The following ANO2 variants were observed in gnomAD, a reference collection of about 807,000 sequenced individuals.
ANO2 encodes the protein anoctamin-2.
ANO2 carries 101 observed loss-of-function variants against 124.2 expected under a neutral mutation model. That is an observed-to-expected ratio of 0.81 (90% CI 0.69 to 0.96). The LOEUF (loss-of-function observed/expected upper bound fraction) is 0.96. Among genes scored for constraint, ANO2 ranks in the 40% least tolerant of loss-of-function variants. The pLI is 0.00. For missense variants in ANO2, 1,293 were observed against 1,274.5 expected (o/e 1.01, Z -0.22); for synonymous variants, 486 against 482.5 (o/e 1.01, Z -0.09).
chr12:5,770,371 A>G (rs539849823), intron 10 of ANO2, among the ~76,000 whole-genome samples: 1 of 152,292 alleles, frequency 6.6e-6, no homozygotes, highest in Non-Finnish European at 1.5e-5. Flanking sequence ...CAAGGGTCCC[A>G]AGGTTAACAA....
At chr12:5,885,607 G>C (rs1938834607) in intron 3 of ANO2, among the ~76,000 whole-genome samples, 1 of 152,172 alleles carries the variant, frequency 6.6e-6, no homozygotes, top group African/African-American at 2.4e-5. Flanking sequence ...TTTTCCCAGA[G>C]TGGCAGAGTC....
chr12:5,577,006 A>T (rs990916543), intron 22 of ANO2, among the ~76,000 whole-genome samples: 9 of 152,250 alleles, frequency 5.9e-5, no homozygotes, highest in African/African-American at 1.9e-4. Flanking sequence ...AGTCTTAAAG[A>T]GGCCAGGGAA....
In ANO2 at chr12:5,908,128, C is replaced by G. The variant is rs1216763296; in HGVS notation, c.534+12912G>C. 6.6e-6 allele frequency among the ~76,000 whole-genome samples: 1 copy of G among 152,246 alleles called. No individual in the cohort carries two copies. The highest frequency in any genetic ancestry group is 1.5e-5 in the Non-Finnish European group (1 of 68,040). Reference sequence around the variant, plus strand: ...GGACCCTGGGGCTTCCACTCTGAAGCCTTTGGGGGTTCCCGTGTCTGCAGA... The same window carrying G: ...GGACCCTGGGGCTTCCACTCTGAAGGCTTTGGGGGTTCCCGTGTCTGCAGA... On this transcript the variant is annotated intron_variant, in intron 3 of 24. Coordinates refer to ENST00000682330, the MANE Select transcript of ANO2 (RefSeq NM_001364791.2). This position sits in a 1 kb window ranked among gnomAD's most constrained non-coding sequence, Gnocchi z 4.7.
At chr12:5,854,904 G>A (rs539486987) in intron 3 of ANO2, among the ~76,000 whole-genome samples, 3 of 151,344 alleles carry the variant, frequency 2.0e-5, no homozygotes, top group Admixed American at 1.3e-4. Flanking sequence ...GATTATGAGA[G>A]GAAGGCACCT....
chr12:5,793,261 T>C (rs879084161), intron 10 of ANO2, among the ~76,000 whole-genome samples: 2 of 152,138 alleles, frequency 1.3e-5, no homozygotes, highest in Admixed American at 1.3e-4. Flanking sequence ...AGAAACAAAC[T>C]GTCCCAGAGA....
chr12:5,585,981 G>A (rs1943092614), intron 20 of ANO2, among the ~76,000 whole-genome samples: 1 of 152,234 alleles, frequency 6.6e-6, no homozygotes, highest in Non-Finnish European at 1.5e-5. Flanking sequence ...CCACAATGCA[G>A]CTATGTTTGA....
At chr12:5,859,154 T>C (rs1955192699) in intron 3 of ANO2, among the ~76,000 whole-genome samples, 1 of 152,116 alleles carries the variant, frequency 6.6e-6, no homozygotes. Flanking sequence ...GGCTCCCAAA[T>C]CTCAACAGGC....
chr12:5,603,069 G>A (rs574185166), intron 19 of ANO2, among the ~76,000 whole-genome samples: 12 of 152,292 alleles, frequency 7.9e-5, no homozygotes, highest in African/African-American at 2.9e-4. Context: ...AAGCAAGGAA[G>A]AAAACATACA....
intron 16 of ANO2, among the ~76,000 whole-genome samples, chr12:5,617,020 A>G (rs954741283): frequency 2.0e-5 from 3 of 149,702 alleles, no homozygotes; most frequent in African/African-American, 7.4e-5. Context: ...ACACTCTCCA[A>G]TTCACGCCAT....
chr12:5,817,541 A>AAGGGCTTTAAG, intron 7 of ANO2, among the ~76,000 whole-genome samples: 1 of 152,328 alleles, frequency 6.6e-6, no homozygotes, highest in Non-Finnish European at 1.5e-5. Context: ...GCTCCAAGGA[A>AAGGGCTTTAAG]AGGGCTTTAA....
At chr12:5,806,026 C>T (rs769468992) in intron 9 of ANO2, 26 bp downstream of exon 9, 1 of 1,612,592 alleles carries the variant, frequency 6.2e-7, no homozygotes, top group East Asian at 2.2e-5. Flanking sequence ...GCCCAAAGTC[C>T]AGGATGCTGC....
In ANO2 at chr12:5,799,590, G is replaced by A. The variant is rs1591631981; in HGVS notation, c.991-19C>T. The A allele has an allele frequency of 2.5e-6, 4 of 1,611,590 alleles. No individual in the cohort carries two copies. Among genetic ancestry groups the A allele is most frequent in the East Asian group, 2.2e-5 (1 of 44,866 alleles). ...ATAGCAGCTAAACAAAGAAAATAAGGAAACAGGTTAGAGGTAGAGATGGGA... is the reference window on the plus strand; with the variant it reads ...ATAGCAGCTAAACAAAGAAAATAAGAAAACAGGTTAGAGGTAGAGATGGGA... On this transcript the variant is annotated intron_variant, in intron 9 of 24. Coordinates refer to ENST00000682330, the MANE Select transcript of ANO2 (RefSeq NM_001364791.2).
At chr12:5,620,827 A>G (rs915249387) in intron 16 of ANO2, among the ~76,000 whole-genome samples, 7 of 151,856 alleles carry the variant, frequency 4.6e-5, no homozygotes, top group Non-Finnish European at 1.0e-4. Context: ...ATCTGTGCTC[A>G]CCATTTACAG....
chr12:5,873,439 T>C (rs1255874620), intron 3 of ANO2, among the ~76,000 whole-genome samples: 1 of 152,102 alleles, frequency 6.6e-6, no homozygotes, highest in East Asian at 1.9e-4. Context: ...CACTTCACAC[T>C]CTATGCCCTA....
intron 14 of ANO2, among the ~76,000 whole-genome samples, chr12:5,729,375 G>T (rs1950550167): frequency 6.6e-6 from 1 of 152,096 alleles, no homozygotes; most frequent in African/African-American, 2.4e-5. Context: ...TTTTTCCAAA[G>T]AAGACATGCA....
intron 4 of ANO2, among the ~76,000 whole-genome samples, chr12:5,837,209 C>A (rs914325254): frequency 9.8e-6 from 1 of 102,278 alleles, no homozygotes; most frequent in Non-Finnish European, 2.4e-5. Flanking sequence ...GCAGCATCCA[C>A]GGGGCCAGGA....
At chr12:5,717,413 G>A (rs1950063339) in intron 14 of ANO2, among the ~76,000 whole-genome samples, 1 of 152,220 alleles carries the variant, frequency 6.6e-6, no homozygotes, top group Non-Finnish European at 1.5e-5. Context: ...GACCCCAAGG[G>A]AGTTGGTTTT....
chr12:5,945,696 T>C (rs943170491), upstream of ANO2, among the ~76,000 whole-genome samples: 1 of 151,840 alleles, frequency 6.6e-6, no homozygotes, highest in African/African-American at 2.4e-5. Flanking sequence ...GGGGCGGGAG[T>C]GGGGGCGAGC....
intron 2 of ANO2, 25 bp from the exon 3 acceptor site, chr12:5,921,391 G>A (rs1300016262): frequency 1.9e-6 from 3 of 1,606,054 alleles, no homozygotes; most frequent in Non-Finnish European, 1.7e-6. Flanking sequence ...AGGAGAGGCA[G>A]GGCAAGGTCT....
Sources: allele counts gnomAD v4.1 joint callset (sites outside exome capture counted in the v4.1 genomes callset), GRCh38; gene constraint gnomAD v4.1.1; non-coding constraint Gnocchi (gnomAD v3.1); transcripts MANE v1.5; gene names NCBI Gene and HGNC (gene_info 2026-07-23, HGNC 2026-07-21).